Variants in HOTAIR observed in about 807,000 individuals in gnomAD.
HOTAIR encodes HOX transcript antisense RNA (non-protein coding).
chr12:53,969,884 C>T (rs1426757396), intron 1 of HOTAIR, among the ~76,000 whole-genome samples: 8 of 152,262 alleles, frequency 5.3e-5, no homozygotes, highest in Non-Finnish European at 1.2e-4. Context: ...GATCTGCTCT[C>T]TAGAACCCAG....
At position 53,973,720 on chromosome 12, in the gene HOTAIR, G is replaced by A. The variant is rs752719839; in HGVS notation, n.59+1178C>T. 3.1e-6 allele frequency: 5 copies of A among 1,612,542 alleles called. 1 individual carries two copies. In the Admixed American group the frequency reaches 8.3e-5, roughly 27 times the overall value. Reference sequence around the variant, plus strand: ...GACCGTTTCTTCGACAACGCCTACTGCGGTGGCGGCGACCCGCCCGCCGAG... The same window carrying A: ...GACCGTTTCTTCGACAACGCCTACTACGGTGGCGGCGACCCGCCCGCCGAG... On this transcript the variant is annotated intron_variant and non_coding_transcript_variant, in intron 1 of 6. Transcript: ENST00000424518. This position sits in a 1 kb window ranked among gnomAD's most constrained non-coding sequence, Gnocchi z 4.3.
chr12:53,965,850 G>A (rs1400055650), intron 5 of HOTAIR: 3 of 152,208 alleles, frequency 2.0e-5, no homozygotes, highest in African/African-American at 7.2e-5. Flanking sequence ...ATAAAAAGAG[G>A]CGGGAGGGAG....
exon 6 of HOTAIR, chr12:53,964,276 T>G (rs922905327): frequency 2.0e-5 from 3 of 151,988 alleles, no homozygotes; most frequent in African/African-American, 7.3e-5. Context: ...CTCTCGCCAA[T>G]GTGCATACTT....
At chr12:53,974,853 G>A (rs1018301396) in intron 1 of HOTAIR, 5 of 264,180 alleles carry the variant, frequency 1.9e-5, no homozygotes, top group African/African-American at 9.0e-5. Flanking sequence ...AGGGCCCGAG[G>A]GCGGAGGGGG....
intron 1 of HOTAIR, among the ~76,000 whole-genome samples, chr12:53,970,605 T>G (rs916439308): frequency 1.1e-4 from 16 of 152,228 alleles, no homozygotes; most frequent in African/African-American, 3.9e-4. Context: ...GGAGGAATAT[T>G]ACTTTCCAGA....
chr12:53,971,980 T>C (rs1939154725), intron 1 of HOTAIR, among the ~76,000 whole-genome samples: 1 of 152,188 alleles, frequency 6.6e-6, no homozygotes, highest in African/African-American at 2.4e-5. Flanking sequence ...CTGGGGGCTT[T>C]GACTAGGGAG....
chr12:53,963,169 T>C (rs995267561), exon 7 of HOTAIR: 2 of 152,262 alleles, frequency 1.3e-5, no homozygotes, highest in African/African-American at 4.8e-5. Flanking sequence ...TTTGCTTCTA[T>C]GTTCCTCTCA....
At chr12:53,971,084 C>T (rs1331928980) in intron 1 of HOTAIR, among the ~76,000 whole-genome samples, 2 of 152,140 alleles carry the variant, frequency 1.3e-5, no homozygotes, top group African/African-American at 2.4e-5. Context: ...CATTAAAAGC[C>T]ATAGTCCATA....
chr12:53,963,694 T>C (rs1378482880), exon 7 of HOTAIR: 3 of 152,196 alleles, frequency 2.0e-5, no homozygotes, highest in African/African-American at 7.2e-5. Flanking sequence ...ATGGAGATGA[T>C]AAGAAGAGCA....
intron 5 of HOTAIR, among the ~76,000 whole-genome samples, chr12:53,965,773 G>GA (rs1408799289): frequency 1.3e-5 from 2 of 151,766 alleles, no homozygotes; most frequent in African/African-American, 2.4e-5. Flanking sequence ...GGAAAAGACA[G>GA]AAAAAAGAGG....
At chr12:53,965,876 G>A (rs951671737) in intron 5 of HOTAIR, 2 of 152,212 alleles carry the variant, frequency 1.3e-5, no homozygotes, top group African/African-American at 4.8e-5. Flanking sequence ...AGCAAGGGTC[G>A]GCTGTTGCTC....
exon 7 of HOTAIR, chr12:53,962,752 C>T (rs1041432837): frequency 6.6e-6 from 1 of 151,824 alleles, no homozygotes; most frequent in Admixed American, 6.6e-5. Context: ...TTTTAAATAC[C>T]CCTTCTGTGT....
rs1480310202 is a variant in HOTAIR, at chr12:53,973,325, C to T, written n.59+1573G>A. 26 of 1,613,916 alleles carry T rather than the reference C, an allele frequency of 1.6e-5. No homozygotes were observed. The highest frequency in any genetic ancestry group is 2.1e-5 in the Non-Finnish European group (25 of 1,180,004). ...CAGATTTCGGCGAGCGAGGGAGCTG[C>T]GCCTCCAACCTCTATCTGCCCAGTT... On this transcript the variant is annotated intron_variant and non_coding_transcript_variant, in intron 1 of 6. Coordinates refer to ENST00000424518, the Ensembl canonical transcript of HOTAIR. The surrounding 1 kb of genome is among the most constrained non-coding windows in gnomAD (Gnocchi z 4.3).
intron 5 of HOTAIR, among the ~76,000 whole-genome samples, chr12:53,964,895 G>A (rs1939023189): frequency 6.6e-6 from 1 of 152,182 alleles, no homozygotes; most frequent in Non-Finnish European, 1.5e-5. Context: ...CATTTTCCAG[G>A]ATATTTGCTT....
At position 53,973,644 on chromosome 12, in the gene HOTAIR, G is replaced by A. The variant is rs1026753739; in HGVS notation, n.59+1254C>T. On this transcript the variant is annotated intron_variant and non_coding_transcript_variant, in intron 1 of 6. Transcript: ENST00000424518. This position sits in a 1 kb window ranked among gnomAD's most constrained non-coding sequence, Gnocchi z 4.3. ...CCCCAGCGCCCCGCACGCAACCCCC[G>A]CCGGCTTCTACTCCTCAGTCAACAA... 5 of 1,613,312 alleles carry A rather than the reference G, an allele frequency of 3.1e-6. No individual in the cohort carries two copies. Among genetic ancestry groups the A allele is most frequent in the East Asian group, 2.2e-5 (1 of 44,838 alleles).
exon 7 of HOTAIR, chr12:53,962,730 A>G (rs757922994): frequency 1.5e-4 from 23 of 151,936 alleles, no homozygotes; most frequent in Middle Eastern, 3.4e-3. Context: ...CTGTACTTCT[A>G]TTATTTCTGT....
Position 53,973,760 on chromosome 12 carries a change from C to A in HOTAIR, n.59+1138G>T, listed in dbSNP as rs1371623312. The A allele has an allele frequency of 6.2e-7, 1 of 1,612,196 alleles. No individual in the cohort carries two copies. Among genetic ancestry groups the A allele is most frequent in the Non-Finnish European group, 8.5e-7 (1 of 1,179,456 alleles). On this transcript the variant is annotated intron_variant and non_coding_transcript_variant, in intron 1 of 6. Coordinates refer to ENST00000424518, the Ensembl canonical transcript of HOTAIR. This position sits in a 1 kb window ranked among gnomAD's most constrained non-coding sequence, Gnocchi z 4.3. ...CGCCCGCCGAGCCCCCCTGCTCCGG[C>A]AAGGGCGAGGCCAAGGGGGAGCCCG...
chr12:53,969,897 C>CA (rs1939119723), intron 1 of HOTAIR, among the ~76,000 whole-genome samples: 1 of 152,228 alleles, frequency 6.6e-6, no homozygotes, highest in African/African-American at 2.4e-5. Context: ...GAACCCAGAG[C>CA]AGTGGAGGAG....
At chr12:53,969,944 G>A (rs1046775069) in intron 1 of HOTAIR, among the ~76,000 whole-genome samples, 37 of 152,240 alleles carry the variant, frequency 2.4e-4, no homozygotes, top group African/African-American at 8.2e-4. Flanking sequence ...CGCTGTGTGC[G>A]GGAGTTTGCT....
Sources: allele counts gnomAD v4.1 joint callset (sites outside exome capture counted in the v4.1 genomes callset), GRCh38; gene constraint gnomAD v4.1.1; non-coding constraint Gnocchi (gnomAD v3.1); transcripts MANE v1.5; gene names NCBI Gene and HGNC (gene_info 2026-07-23, HGNC 2026-07-21).